ETFDH: variants seen among roughly 807,000 people sequenced by gnomAD.
ETFDH encodes the protein electron transfer flavoprotein-ubiquinone oxidoreductase, mitochondrial.
ETFDH carries 61 observed loss-of-function variants against 73.2 expected under a neutral mutation model. That is an observed-to-expected ratio of 0.83 (90% CI 0.68 to 1.03). The LOEUF is 1.03. Among genes scored for constraint, ETFDH ranks in the 50% least tolerant of loss-of-function variants. The pLI, the probability that ETFDH is intolerant of heterozygous loss-of-function variation, is 0.00. For missense variants in ETFDH, 685 were observed against 745.0 expected (o/e 0.92, Z 0.94); for synonymous variants, 243 against 253.3 (o/e 0.96, Z 0.39).
At position 158,676,336 on chromosome 4, in the gene ETFDH, C is replaced by T. The variant is rs145522519; in HGVS notation, c.34+3846C>T. On this transcript the variant is annotated intron_variant, in intron 1 of 12. Transcript: ENST00000511912. ...TCGATCTGGGTGGTGCCAGCTGATCCATCAAGTGCAGGATCTGCAAAATAT... is the reference window on the plus strand; with the variant it reads ...TCGATCTGGGTGGTGCCAGCTGATCTATCAAGTGCAGGATCTGCAAAATAT... Among the ~76,000 whole-genome samples, 1,150 of 152,176 alleles carry T rather than the reference C, an allele frequency of 7.6e-3. 5 individuals carry two copies. The highest frequency in any genetic ancestry group is 0.026 in the South Asian group (124 of 4,812).
chr4:158,697,413 A>G (rs892731581), intron 7 of ETFDH, 146 bp from the exon 8 acceptor site: 2 of 720,038 alleles, frequency 2.8e-6, no homozygotes, highest in African/African-American at 3.6e-5. Flanking sequence ...TATTTGAAGT[A>G]ATTTTGTTGT....
intron 2 of ETFDH, 82 bp downstream of exon 2, chr4:158,680,689 T>G: frequency 8.1e-7 from 1 of 1,234,434 alleles, no homozygotes; most frequent in Non-Finnish European, 1.2e-6. Context: ...TTAATATTTT[T>G]CATAATTTAA....
intron 1 of ETFDH, among the ~76,000 whole-genome samples, chr4:158,678,795 A>T (rs1420196889): frequency 2.0e-5 from 3 of 152,004 alleles, no homozygotes; most frequent in African/African-American, 7.2e-5. Context: ...CTGCAGGTGC[A>T]TACCACCACA....
chr4:158,699,405 A>G (rs1184815742), intron 9 of ETFDH, among the ~76,000 whole-genome samples: 2 of 152,126 alleles, frequency 1.3e-5, no homozygotes, highest in Non-Finnish European at 2.9e-5. Flanking sequence ...CCCCATCTCT[A>G]CAACAAATGG....
In ETFDH at chr4:158,697,715, A is replaced by G; in HGVS notation, c.972+16A>G. The G allele has an allele frequency of 2.5e-6, 4 of 1,607,140 alleles. No individual in the cohort carries two copies. The highest frequency in any genetic ancestry group is 3.4e-6 in the Non-Finnish European group (4 of 1,173,650). ...TGGTCTTGTGGTAAGTTATATTCCCATTAGGGAAAATTCTGCTGCTAGAGT... is the reference window on the plus strand; with the variant it reads ...TGGTCTTGTGGTAAGTTATATTCCCGTTAGGGAAAATTCTGCTGCTAGAGT... On this transcript the variant is annotated intron_variant, in intron 8 of 12. Coordinates refer to ENST00000511912, the MANE Select transcript of ETFDH (RefSeq NM_004453.4).
chr4:158,705,855 C>G (rs1774595395), intron 10 of ETFDH, among the ~76,000 whole-genome samples: 1 of 152,160 alleles, frequency 6.6e-6, no homozygotes. Context: ...CTGAGGCGGG[C>G]ATATCACTTG....
chr4:158,687,979 G>A (rs1055658817), intron 5 of ETFDH, among the ~76,000 whole-genome samples: 1 of 152,216 alleles, frequency 6.6e-6, no homozygotes, highest in African/African-American at 2.4e-5. Context: ...GGCAGAGGTT[G>A]CAGTGGGCCG....
intron 6 of ETFDH, among the ~76,000 whole-genome samples, chr4:158,692,292 C>T (rs1247757721): frequency 6.7e-6 from 1 of 149,114 alleles, no homozygotes; most frequent in African/African-American, 2.5e-5. Context: ...CCCAGCTGTT[C>T]GGGAGGCTGA....
At chr4:158,688,471 G>T (rs1038397624) in intron 5 of ETFDH, among the ~76,000 whole-genome samples, 2 of 151,362 alleles carry the variant, frequency 1.3e-5, no homozygotes, top group Non-Finnish European at 2.9e-5. Flanking sequence ...GGATCACGAG[G>T]TCAGGAGATC....
At chr4:158,680,675 A>C in intron 2 of ETFDH, 68 bp downstream of exon 2, 1 of 1,313,282 alleles carries the variant, frequency 7.6e-7, no homozygotes, top group Non-Finnish European at 1.1e-6. Context: ...TGTGGAGGAG[A>C]GTATTAATAT....
chr4:158,675,035 T>C (rs1773677950), intron 1 of ETFDH, among the ~76,000 whole-genome samples: 1 of 152,248 alleles, frequency 6.6e-6, no homozygotes, highest in Admixed American at 6.5e-5. Context: ...TGCTCTTTTT[T>C]ATAACAGCTT....
chr4:158,687,428 C>T (rs564890052), intron 5 of ETFDH, among the ~76,000 whole-genome samples: 15 of 152,250 alleles, frequency 9.9e-5, no homozygotes, highest in South Asian at 6.2e-4. Context: ...ATCAGCATGC[C>T]AGGGACATAC....
chr4:158,674,781 A>G (rs1320677144), intron 1 of ETFDH, among the ~76,000 whole-genome samples: 1 of 152,192 alleles, frequency 6.6e-6, no homozygotes. Context: ...TATACCTAAC[A>G]TTAGGTTTTC....
rs760679984 is a variant in ETFDH at position 158,706,665 on chromosome 4, G to A, written c.1505G>A (p.Cys502Tyr). The A allele has an allele frequency of 3.7e-6, 6 of 1,613,962 alleles. No homozygotes were observed. The South Asian group carries it at 6.6e-5, about 18-fold the overall frequency. ...DFERLKPAKD[C>Y]TPIEYPKPDG... The stretch of plus-strand genomic sequence containing the variant: ...GAACGGCTCAAGCCAGCCAAGGATT[G>A]CACACCTATTGAGTATCCAAAACCC... The change falls in exon 12 of 13, where the codon TGC becomes TAC. Residue 502 changes from cysteine to tyrosine, a missense_variant. By Grantham distance (194) the Cys-to-Tyr change is radical. Around this residue, in one of 3 missense-constraint regions of ETFDH, gnomAD observed 201 missense variants for 225.2 expected, o/e 0.89. Transcript: ENST00000511912.
At chr4:158,679,945 T>TGTG (rs1385216187) in intron 1 of ETFDH, 1 of 146,546 alleles carries the variant, frequency 6.8e-6, no homozygotes, top group East Asian at 2.0e-4. Flanking sequence ...ATTAGCTGGG[T>TGTG]GTGGTGGTGC....
intron 1 of ETFDH, among the ~76,000 whole-genome samples, chr4:158,675,299 T>C (rs1043561110): frequency 6.6e-6 from 1 of 152,234 alleles, no homozygotes; most frequent in Non-Finnish European, 1.5e-5. Flanking sequence ...TACTATGTTG[T>C]CTTTTTGTGA....
At chr4:158,692,846 T>C (rs1264891178) in intron 6 of ETFDH, among the ~76,000 whole-genome samples, 2 of 131,604 alleles carry the variant, frequency 1.5e-5, no homozygotes, top group Admixed American at 1.7e-4. Flanking sequence ...GACGACAGAG[T>C]GAGACTCCAT....
chr4:158,697,730 G>C lies in ETFDH; in HGVS notation c.972+31G>C, dbSNP rs777018255. On this transcript the variant is annotated intron_variant, in intron 8 of 12. Transcript: ENST00000511912. Reference sequence around the variant, plus strand: ...TTATATTCCCATTAGGGAAAATTCTGCTGCTAGAGTTATATTACCATCAGT... The same window carrying C: ...TTATATTCCCATTAGGGAAAATTCTCCTGCTAGAGTTATATTACCATCAGT... 14 of 1,593,414 alleles carry C rather than the reference G, an allele frequency of 8.8e-6. No homozygotes were observed. The African/African-American group carries it at 1.3e-4, about 15-fold the overall frequency.
chr4:158,706,040 C>A (rs2126314323), intron 10 of ETFDH, 149 bp from the exon 11 acceptor site: 1 of 669,448 alleles, frequency 1.5e-6, no homozygotes, highest in African/African-American at 1.8e-5. Flanking sequence ...ATGATCACAC[C>A]ACTGTACTCC....
Sources: allele counts gnomAD v4.1 joint callset (sites outside exome capture counted in the v4.1 genomes callset), GRCh38; gene constraint gnomAD v4.1.1; regional missense constraint gnomAD v4.1.1; transcripts MANE v1.5; gene names NCBI Gene and HGNC (gene_info 2026-07-23, HGNC 2026-07-21).